Variants in PRELID2 observed in about 807,000 individuals in gnomAD.
PRELID2 encodes PRELI domain containing 2, also known as PRELI domain-containing protein 2.
PRELID2 carries 25 observed loss-of-function variants against 28.4 expected under a neutral mutation model. The ratio of observed to expected loss-of-function variants is 0.88; its 90% CI spans 0.64 to 1.23. PRELID2 has a LOEUF of 1.23. PRELID2 is among the 50% of genes most tolerant of loss of function. The probability of loss-of-function intolerance (pLI) is 0.00; values close to 1 mark genes in which losing one functional copy is unlikely to be tolerated. For missense variants in PRELID2, 201 were observed against 214.4 expected, an observed-to-expected ratio of 0.94 and a Z score of 0.39; for synonymous variants, 76 against 71.6, an observed-to-expected ratio of 1.06 and a Z score of -0.31.
At chr5:145,680,415 A>C (rs1754909511) in intron 1 of PRELID2, among the ~76,000 whole-genome samples, 1 of 152,218 alleles carries the variant, frequency 6.6e-6, no homozygotes, top group South Asian at 2.1e-4. Flanking sequence ...CCCTGCCACA[A>C]CCACAGCTGA....
chr5:145,387,936 CAAAA>C, the PRELID2 span, among the ~76,000 whole-genome samples: 3 of 111,044 alleles, frequency 2.7e-5, no homozygotes, highest in Admixed American at 9.4e-5. Context: ...AAGACAGAAC[CAAAA>C]AAAAAAAAAA....
chr5:145,494,740 A>T (rs1752296169), intron 1 of PRELID2, among the ~76,000 whole-genome samples: 3 of 152,216 alleles, frequency 2.0e-5, no homozygotes, highest in Admixed American at 2.0e-4. Flanking sequence ...ATTAGATCTT[A>T]CTTGAGACAA....
intron 1 of PRELID2, among the ~76,000 whole-genome samples, chr5:145,678,546 C>T (rs931626344): frequency 2.0e-5 from 3 of 152,128 alleles, no homozygotes; most frequent in African/African-American, 7.2e-5. Context: ...ATATGTAAGT[C>T]ATTCAGTGAC....
At chr5:145,744,107 T>G (rs955475338) in intron 1 of PRELID2, among the ~76,000 whole-genome samples, 1 of 152,130 alleles carries the variant, frequency 6.6e-6, no homozygotes. Flanking sequence ...TCCTTCCTCA[T>G]TGGGTAGGGC....
At chr5:145,424,432 C>T in the PRELID2 span, among the ~76,000 whole-genome samples, 1 of 152,202 alleles carries the variant, frequency 6.6e-6, no homozygotes, top group African/African-American at 2.4e-5. Context: ...GGGATATAAT[C>T]TCATGGTGCA....
intron 1 of PRELID2, among the ~76,000 whole-genome samples, chr5:145,525,372 C>A (rs930979957): frequency 5.9e-5 from 9 of 152,154 alleles, no homozygotes; most frequent in African/African-American, 1.9e-4. Flanking sequence ...CCTTGTTCTC[C>A]AAGAATGGGA....
chr5:145,635,621 T>C (rs1753989773), intron 1 of PRELID2, among the ~76,000 whole-genome samples: 1 of 152,234 alleles, frequency 6.6e-6, no homozygotes, highest in South Asian at 2.1e-4. Context: ...AGCTCTCGCC[T>C]CTAACATTCT....
intron 1 of PRELID2, among the ~76,000 whole-genome samples, chr5:145,645,533 A>G (rs576811551): frequency 3.3e-5 from 5 of 151,940 alleles, no homozygotes; most frequent in Non-Finnish European, 5.9e-5. Flanking sequence ...GCCCATTTAC[A>G]TTTAAGGTTA....
chr5:145,690,090 A>G (rs1755116923), intron 1 of PRELID2, among the ~76,000 whole-genome samples: 1 of 151,432 alleles, frequency 6.6e-6, no homozygotes, highest in African/African-American at 2.4e-5. Flanking sequence ...CCCGAGCTCA[A>G]GCAATTTTAG....
intron 1 of PRELID2, among the ~76,000 whole-genome samples, chr5:145,645,394 T>C (rs566373091): frequency 1.0e-3 from 143 of 138,224 alleles, no homozygotes; most frequent in African/African-American, 3.8e-3. Context: ...GCTTGGTAAA[T>C]ATCCCTCCAT....
intron 1 of PRELID2, among the ~76,000 whole-genome samples, chr5:145,564,296 C>T (rs1580978929): frequency 6.6e-6 from 1 of 152,348 alleles, no homozygotes; most frequent in East Asian, 1.9e-4. Flanking sequence ...GAAGTCCTCA[C>T]ACACTTGACT....
intron 1 of PRELID2, among the ~76,000 whole-genome samples, chr5:145,567,376 G>C (rs1479402094): frequency 6.6e-6 from 1 of 151,958 alleles, no homozygotes; most frequent in Admixed American, 6.6e-5. Context: ...GTTTGGTTTG[G>C]TTTGGTTTGG....
At chr5:145,357,634 A>G in the PRELID2 span, among the ~76,000 whole-genome samples, 2 of 152,174 alleles carry the variant, frequency 1.3e-5, no homozygotes, top group South Asian at 2.1e-4. Flanking sequence ...TTCATCTTTT[A>G]TCTTCTACAT....
At chr5:145,702,940 T>G (rs372373795) in intron 1 of PRELID2, among the ~76,000 whole-genome samples, 1 of 152,180 alleles carries the variant, frequency 6.6e-6, no homozygotes, top group Non-Finnish European at 1.5e-5. Flanking sequence ...CAGATTGATA[T>G]ATAATTATTT....
the PRELID2 span, among the ~76,000 whole-genome samples, chr5:145,327,910 A>G: frequency 6.6e-6 from 1 of 151,584 alleles, no homozygotes; most frequent in African/African-American, 2.4e-5. Flanking sequence ...ATTAGGTATT[A>G]CTCCTAATGC....
At chr5:145,316,343 A>G in the PRELID2 span, among the ~76,000 whole-genome samples, 1 of 152,220 alleles carries the variant, frequency 6.6e-6, no homozygotes, top group Non-Finnish European at 1.5e-5. Flanking sequence ...ACATTCTGAC[A>G]TATGTATTTC....
chr5:145,359,578 T>G, the PRELID2 span, among the ~76,000 whole-genome samples: 407 of 152,298 alleles, frequency 2.7e-3, no homozygotes, highest in African/African-American at 9.4e-3. Context: ...CTCAGATAAG[T>G]AAGCATGGTT....
the PRELID2 span, among the ~76,000 whole-genome samples, chr5:145,328,959 G>A: frequency 6.6e-6 from 1 of 152,132 alleles, no homozygotes; most frequent in Non-Finnish European, 1.5e-5. Context: ...TGTATAAGGT[G>A]TAAGGAAGGG....
At chr5:145,463,019 T>C in the PRELID2 span, among the ~76,000 whole-genome samples, 1 of 152,104 alleles carries the variant, frequency 6.6e-6, no homozygotes, top group Non-Finnish European at 1.5e-5. Flanking sequence ...TAGTAAATAG[T>C]AAAAAATAAA....
Sources: allele counts gnomAD v4.1 joint callset (sites outside exome capture counted in the v4.1 genomes callset), GRCh38; gene constraint gnomAD v4.1.1; transcripts MANE v1.5; gene names NCBI Gene and HGNC (gene_info 2026-07-23, HGNC 2026-07-21).